The following TH variants were observed in gnomAD, a reference collection of about 807,000 sequenced individuals.
TH encodes the protein tyrosine hydroxylase.
Under a neutral mutation model 57.4 loss-of-function variants are expected in TH, and 49 were observed. The ratio of observed to expected loss-of-function variants is 0.85; its 90% CI spans 0.68 to 1.08. The LOEUF is 1.08. Among genes scored for constraint, TH ranks in the 50% least tolerant of loss-of-function variants. The pLI is 0.00. For synonymous variants in TH, 330 were observed against 304.5 expected (o/e 1.08, Z -0.87); for missense variants, 720 against 696.7 (o/e 1.03, Z -0.38).
intron 6 of TH, 25 bp from the exon 7 acceptor site, chr11:2,167,057 C>G: frequency 6.4e-7 from 1 of 1,565,754 alleles, no homozygotes; most frequent in South Asian, 1.2e-5. Flanking sequence ...GCTCAGGGCC[C>G]TCTAATGCCC....
chr11:2,164,746 C>T (rs1846037741), intron 12 of TH, among the ~76,000 whole-genome samples: 1 of 152,108 alleles, frequency 6.6e-6, no homozygotes, highest in African/African-American at 2.4e-5. Flanking sequence ...CTCAGTTTCC[C>T]CAGTGCATAA....
At chr11:2,167,599 G>T in intron 5 of TH, 114 bp from the exon 6 acceptor site, 1 of 1,326,470 alleles carries the variant, frequency 7.5e-7, no homozygotes, top group Non-Finnish European at 1.0e-6. Flanking sequence ...CGAGGCCTTT[G>T]GGTTGGAGGA....
chr11:2,171,245 T>A lies in TH; in HGVS notation c.90+452A>T, dbSNP rs1391858142. Among the ~76,000 whole-genome samples the A allele has an allele frequency of 6.6e-6, 1 of 151,824 alleles. No individual in the cohort carries two copies. Among genetic ancestry groups the A allele is most frequent in the East Asian group, 1.9e-4 (1 of 5,140 alleles). ...TAGAGCCTGGGAAGGGCCTTGGGGCTGCCTCCCCAAGCAGGCAGGCTGGTT... is the reference window on the plus strand; with the variant it reads ...TAGAGCCTGGGAAGGGCCTTGGGGCAGCCTCCCCAAGCAGGCAGGCTGGTT... On this transcript the variant is annotated intron_variant, in intron 1 of 12. Transcript: ENST00000352909. The surrounding 1 kb of genome is among the most constrained non-coding windows in gnomAD (Gnocchi z 8.6).
chr11:2,166,166 C>G, intron 9 of TH, 108 bp from the exon 10 acceptor site: 3 of 1,323,666 alleles, frequency 2.3e-6, no homozygotes, highest in Non-Finnish European at 3.2e-6. Context: ...GGGACACTTC[C>G]CTGGCGGCAG....
rs1053699072 is a variant in TH at position 2,170,461 on chromosome 11, C to T, written c.91-590G>A. Among the ~76,000 whole-genome samples the T allele has an allele frequency of 1.3e-5, 2 of 152,168 alleles. No homozygotes were observed. Among genetic ancestry groups the T allele is most frequent in the African/African-American group, 2.4e-5 (1 of 41,442 alleles). On this transcript the variant is annotated intron_variant, in intron 1 of 12. Coordinates refer to ENST00000352909, the MANE Select transcript of TH (RefSeq NM_000360.4). This position sits in a 1 kb window ranked among gnomAD's most constrained non-coding sequence, Gnocchi z 6.0. ...CCACCCTTTGTCATAGCTCTGGGCGCAGGTGTCTCTCCCTGGGCTCAGCGC... is the reference window on the plus strand; with the variant it reads ...CCACCCTTTGTCATAGCTCTGGGCGTAGGTGTCTCTCCCTGGGCTCAGCGC...
chr11:2,169,724 C>A lies in TH; in HGVS notation c.238G>T (p.Ala80Ser), dbSNP rs749806642. ...AVAFEEKEGK[A>S]VLNLLFSPRA... Reference sequence around the variant, plus strand: ...GGGGAGAAGAGCAGGTTTAGCACGGCCTTCCCCTCCTTCTCCTCAAAGGCC... The same window carrying A: ...GGGGAGAAGAGCAGGTTTAGCACGGACTTCCCCTCCTTCTCCTCAAAGGCC... Residue 80 changes from alanine (A) to serine (S), a missense_variant, in exon 2 of 13, where the codon GCC (alanine) becomes TCC (serine). Physicochemically the swap from Ala to Ser is moderately conservative, Grantham distance 99 (BLOSUM62 1). Transcript: ENST00000352909. The A allele has an allele frequency of 6.2e-7, 1 of 1,613,028 alleles. No homozygotes were observed. Among genetic ancestry groups the A allele is most frequent in the South Asian group, 1.1e-5 (1 of 91,044 alleles).
intron 11 of TH, 138 bp downstream of exon 11, chr11:2,165,530 G>T: frequency 7.4e-7 from 1 of 1,355,688 alleles, no homozygotes; most frequent in Non-Finnish European, 1.0e-6. Context: ...ACTGGGCAGA[G>T]ACAAGCCTTC....
chr11:2,166,841 A>C, intron 7 of TH, 46 bp downstream of exon 7: 1 of 1,580,060 alleles, frequency 6.3e-7, no homozygotes, highest in Non-Finnish European at 8.6e-7. Context: ...CGCTTGGCTG[A>C]CCATCCCCGG....
rs954558114 is a variant in TH, at chr11:2,170,373, C to T, written c.91-502G>A. 5.9e-5 allele frequency among the ~76,000 whole-genome samples: 9 copies of T among 152,072 alleles called. No individual in the cohort carries two copies. The highest frequency in any genetic ancestry group is 1.3e-4 in the Non-Finnish European group (9 of 67,998). On this transcript the variant is annotated intron_variant, in intron 1 of 12. Transcript: ENST00000352909. The surrounding 1 kb of genome is among the most constrained non-coding windows in gnomAD (Gnocchi z 6.0). ...CTCACACTCCCATCAGGACACCTGTCCTCGGGCCCTGCCCCTCTGTGCCAC... is the reference window on the plus strand; with the variant it reads ...CTCACACTCCCATCAGGACACCTGTTCTCGGGCCCTGCCCCTCTGTGCCAC...
chr11:2,168,539 C>T lies in TH; in HGVS notation c.439G>A (p.Gly147Ser), dbSNP rs1846164780. 1 of 1,612,102 alleles carries T rather than the reference C, an allele frequency of 6.2e-7. No homozygotes were observed. The highest frequency in any genetic ancestry group is 8.5e-7 in the Non-Finnish European group (1 of 1,179,806). ...ACGTCCTCTGACACCTGGCGCACAC[C>T]ACTGAGCAGGGCGGCCAGGTCCCCT... The part of the protein sequence containing the change: ...RRGDLAALLS[G>S]VRQVSEDVRS... The change falls in exon 3 of 13, where the codon GGT becomes AGT. Residue 147 changes from glycine (G) to serine (S), a missense_variant. Gly to Ser is a moderately conservative substitution (Grantham distance 56). Transcript: ENST00000352909.
chr11:2,167,868 C>T lies in TH; in HGVS notation c.642G>A (p.Arg214=), dbSNP rs139579396. ...TCCCGAGCGCAGGGGCCCCTCACTG[C>T]CTGTACTGGAAGGCGATCTCAGCAA... ...KLIAEIAFQY[R]HGDPIPRVEY... is the part of the protein sequence containing the mutation. The change falls in exon 5 of 13, where the codon AGG becomes AGA. Residue 214 remains arginine, a splice_region_variant and synonymous_variant. Coordinates refer to ENST00000352909, the MANE Select transcript of TH (RefSeq NM_000360.4). 3 of 1,604,740 alleles carry T rather than the reference C, an allele frequency of 1.9e-6. No individual in the cohort carries two copies. Among genetic ancestry groups the T allele is most frequent in the Non-Finnish European group, 2.6e-6 (3 of 1,175,878 alleles).
chr11:2,171,762 G>A lies in TH; in HGVS notation c.25C>T (p.Pro9Ser), dbSNP rs780983082. The stretch of plus-strand genomic sequence containing the variant: ...GCCCTGCGGAAGCCCTTGGCCTGTG[G>A]CGTGGTGGCGTCGGGGGTGGGCATG... MPTPDATT[P>S]QAKGFRRAVS... is the part of the protein sequence containing the mutation. The change falls in exon 1 of 13, where the codon CCA (proline) becomes TCA (serine). Residue 9 changes from proline to serine, a missense_variant. By Grantham distance (74) the Pro-to-Ser change is moderately conservative (BLOSUM62 -1). Transcript: ENST00000352909. The surrounding 1 kb of genome is among the most constrained non-coding windows in gnomAD (Gnocchi z 8.6). The A allele has an allele frequency of 9.3e-6, 15 of 1,612,508 alleles. No individual in the cohort carries two copies. Among genetic ancestry groups the A allele is most frequent in the Non-Finnish European group, 1.3e-5 (15 of 1,179,832 alleles).
Position 2,171,081 on chromosome 11 carries a change from C to T in TH, c.90+616G>A, listed in dbSNP as rs1846241566. Among the ~76,000 whole-genome samples the T allele has an allele frequency of 9.3e-6, 1 of 108,086 alleles. No individual in the cohort carries two copies. Among genetic ancestry groups the T allele is most frequent in the African/African-American group, 3.2e-5 (1 of 31,288 alleles). The allele number at this position is 108,086 out of a possible 152,430, so 70.9% of individuals were successfully genotyped here. A position where few individuals can be genotyped will look rare whatever the true frequency, so the allele number is the denominator to read the frequency against. ...TGCAGGTCACAGGGAACACAGACTC[C>T]ATGGTGAATGAATGAATGAATGAAT... On this transcript the variant is annotated intron_variant, in intron 1 of 12. Coordinates refer to ENST00000352909, the MANE Select transcript of TH (RefSeq NM_000360.4). The surrounding 1 kb of genome is among the most constrained non-coding windows in gnomAD (Gnocchi z 8.6).
In TH at chr11:2,170,742, G is replaced by C. The variant is rs1313952475; in HGVS notation, c.91-871C>G. 3 of 1,599,296 alleles carry C rather than the reference G, an allele frequency of 1.9e-6. No individual in the cohort carries two copies. Among genetic ancestry groups the C allele is most frequent in the Admixed American group, 3.4e-5 (2 of 58,674 alleles). ...TGGGGCTGCAGTTCCAGGCCACGGA[G>C]AGCCTGTGAGGCTGGGCCCCGGGGC... On this transcript the variant is annotated intron_variant, in intron 1 of 12. Coordinates refer to ENST00000352909, the MANE Select transcript of TH (RefSeq NM_000360.4). This position sits in a 1 kb window ranked among gnomAD's most constrained non-coding sequence, Gnocchi z 6.0.
chr11:2,165,280 G>A lies in TH; in HGVS notation c.1286C>T (p.Ser429Leu), dbSNP rs1846055802. 2 of 1,612,756 alleles carry A rather than the reference G, an allele frequency of 1.2e-6. No individual in the cohort carries two copies. Among genetic ancestry groups the A allele is most frequent in the East Asian group, 2.2e-5 (1 of 44,882 alleles). The change falls in exon 12 of 13, where the codon TCA (serine) becomes TTA (leucine). Residue 429 changes from serine (S) to leucine (L), a missense_variant. Ser to Leu is a moderately radical substitution (Grantham distance 145). Coordinates refer to ENST00000352909, the MANE Select transcript of TH (RefSeq NM_000360.4). ...GAAGCTCTCAGACACGAAGTAGACTGACTGGTACGTCTGGTCTTGGTAGGG... is the reference window on the plus strand; with the variant it reads ...GAAGCTCTCAGACACGAAGTAGACTAACTGGTACGTCTGGTCTTGGTAGGG... Reference protein sequence around the residue: ...VQPYQDQTYQSVYFVSESFSD... With the variant: ...VQPYQDQTYQLVYFVSESFSD...
chr11:2,169,984 A>G, intron 1 of TH, 113 bp from the exon 2 acceptor site: 2 of 1,144,920 alleles, frequency 1.7e-6, no homozygotes, highest in Non-Finnish European at 2.5e-6. Flanking sequence ...GCAGGGGATG[A>G]GAGCACGTTT....
intron 6 of TH, 41 bp from the exon 7 acceptor site, chr11:2,167,073 C>T (rs1479200265): frequency 1.3e-6 from 2 of 1,555,092 alleles, no homozygotes; most frequent in South Asian, 1.2e-5. Context: ...TGCCCCACCC[C>T]AGTGCCCGAA....
At chr11:2,164,776 T>G (rs541264747) in intron 12 of TH, among the ~76,000 whole-genome samples, 1 of 152,216 alleles carries the variant, frequency 6.6e-6, no homozygotes, top group Non-Finnish European at 1.5e-5. Context: ...GGGAAAATGA[T>G]GAGACCTTTT....
At position 2,170,649 on chromosome 11, in the gene TH, G is replaced by A. The variant is rs1236054094; in HGVS notation, c.91-778C>T. ...GCTTCCAGGGTTGTGGAACATGAAG[G>A]GGAGCAGCAGAAGCCCCTCCCAGAG... On this transcript the variant is annotated intron_variant, in intron 1 of 12. Transcript: ENST00000352909. This position sits in a 1 kb window ranked among gnomAD's most constrained non-coding sequence, Gnocchi z 6.0. 1.3e-5 allele frequency: 20 copies of A among 1,493,444 alleles called. No homozygotes were observed. The highest frequency in any genetic ancestry group is 1.8e-5 in the Non-Finnish European group (20 of 1,084,194). The allele number at this position is 1,493,444 out of a possible 1,614,324, so 92.5% of individuals were successfully genotyped here. A position where few individuals can be genotyped will look rare whatever the true frequency, so the allele number is the denominator to read the frequency against.
Sources: gnomAD v4.1 joint callset for allele counts (sites outside exome capture counted in the v4.1 genomes callset) on GRCh38, gnomAD v4.1.1 for gene constraint, Gnocchi (gnomAD v3.1) non-coding constraint, MANE v1.5 for transcripts, NCBI Gene and HGNC (gene_info 2026-07-23, HGNC 2026-07-21) for gene names.